Variants in ZNF438 observed in about 807,000 individuals in gnomAD.
The protein encoded by ZNF438 is zinc finger protein 438.
A neutral mutation model predicts 38.0 loss-of-function variants in ZNF438; 25 were observed. That is an observed-to-expected ratio of 0.66 (90% confidence interval 0.48 to 0.92). The LOEUF (loss-of-function observed/expected upper bound fraction) is 0.92, where lower values mean the gene tolerates loss of function less well. ZNF438 is among the 40% of genes least tolerant of loss of function. The pLI, the probability that ZNF438 is intolerant of heterozygous loss-of-function variation, is 0.00. For synonymous variants in ZNF438, 372 were observed against 364.1 expected (o/e 1.02, Z -0.25); for missense variants, 1,007 against 999.6 (o/e 1.01, Z -0.10).
intron 1 of ZNF438, among the ~76,000 whole-genome samples, chr10:30,997,430 T>C (rs1433848919): frequency 2.0e-5 from 3 of 152,010 alleles, no homozygotes; most frequent in Non-Finnish European, 4.4e-5. Context: ...AGACTGAAAA[T>C]GAACGCAAAA....
chr10:30,875,184 C>T, intron 4 of ZNF438: 1 of 922,134 alleles, frequency 1.1e-6, no homozygotes, highest in Non-Finnish European at 1.3e-6. Flanking sequence ...TGGAAGTATC[C>T]AAGCTTATGT....
intron 2 of ZNF438, among the ~76,000 whole-genome samples, chr10:30,935,196 G>T (rs978466340): frequency 2.6e-5 from 4 of 152,242 alleles, no homozygotes; most frequent in African/African-American, 9.6e-5. Flanking sequence ...GCTCAGTGGT[G>T]TTAAATAACT....
intron 2 of ZNF438, among the ~76,000 whole-genome samples, chr10:30,938,110 T>A (rs1348200784): frequency 1.3e-5 from 2 of 152,184 alleles, no homozygotes; most frequent in Non-Finnish European, 2.9e-5. Context: ...GGATGACTCT[T>A]ATCTACTGCC....
chr10:30,959,413 A>G (rs1031151732), intron 1 of ZNF438, among the ~76,000 whole-genome samples: 1 of 145,996 alleles, frequency 6.8e-6, no homozygotes, highest in African/African-American at 2.4e-5. Context: ...TTAGACTCAA[A>G]CTGCAACTCT....
chr10:30,949,363 T>A (rs914598408), intron 1 of ZNF438, among the ~76,000 whole-genome samples: 1 of 152,160 alleles, frequency 6.6e-6, no homozygotes, highest in Non-Finnish European at 1.5e-5. Flanking sequence ...AATAACCAGC[T>A]AACATCATCA....
chr10:30,992,240 G>A (rs1564810430), intron 1 of ZNF438, among the ~76,000 whole-genome samples: 1 of 152,112 alleles, frequency 6.6e-6, no homozygotes, highest in Non-Finnish European at 1.5e-5. Context: ...GTACCAAGAC[G>A]TAGGATTTTT....
intron 1 of ZNF438, among the ~76,000 whole-genome samples, chr10:30,968,493 G>A (rs939048721): frequency 1.4e-5 from 2 of 144,282 alleles, no homozygotes; most frequent in African/African-American, 5.2e-5. Context: ...GCCCAGGCTG[G>A]AGTGCAATGG....
At chr10:30,923,196 T>C (rs2044522434) in intron 2 of ZNF438, 1 of 152,190 alleles carries the variant, frequency 6.6e-6, no homozygotes, top group Admixed American at 6.5e-5. Flanking sequence ...AGTTAATAGG[T>C]GATGCAGTGT....
chr10:30,847,339 G>A (rs556663262), intron 5 of ZNF438, among the ~76,000 whole-genome samples: 3 of 152,134 alleles, frequency 2.0e-5, no homozygotes, highest in Non-Finnish European at 4.4e-5. Context: ...ACAATGGGAC[G>A]ACCAGTGGCA....
rs7475120 is a variant in ZNF438 at position 30,995,356 on chromosome 10, T to C, written c.-192+36477A>G. On this transcript the variant is annotated intron_variant, in intron 1 of 5. Transcript: ENST00000413025. ...GGCCAGAAAGCAATGGAATTAAATA[T>C]TCAAAGTACTAAAGTAAAATACTGT... Among the ~76,000 whole-genome samples the C allele has an allele frequency of 6.1e-3, 923 of 152,318 alleles. 9 individuals carry two copies. Among genetic ancestry groups the C allele is most frequent in the African/African-American group, 0.021 (866 of 41,568 alleles).
At chr10:30,900,836 GA>G (rs1477655322) in intron 3 of ZNF438, among the ~76,000 whole-genome samples, 1 of 152,168 alleles carries the variant, frequency 6.6e-6, no homozygotes, top group Non-Finnish European at 1.5e-5. Context: ...ACTGCAGTAA[GA>G]AAAATGGAAA....
chr10:30,991,111 T>C (rs1315888126), intron 1 of ZNF438, among the ~76,000 whole-genome samples: 1 of 152,224 alleles, frequency 6.6e-6, no homozygotes, highest in East Asian at 1.9e-4. Context: ...TTACCTCCCC[T>C]GCACCTCCAA....
intron 2 of ZNF438, among the ~76,000 whole-genome samples, chr10:30,934,220 T>C (rs1171635243): frequency 1.3e-5 from 2 of 151,058 alleles, no homozygotes; most frequent in Non-Finnish European, 2.9e-5. Context: ...ATGTACCGAG[T>C]TGGCAGATGC....
intron 2 of ZNF438, among the ~76,000 whole-genome samples, chr10:30,915,657 T>C (rs1184530818): frequency 6.6e-6 from 1 of 152,040 alleles, no homozygotes; most frequent in African/African-American, 2.4e-5. Flanking sequence ...TCTATAAATA[T>C]CTTGAAAATG....
intron 3 of ZNF438, among the ~76,000 whole-genome samples, chr10:30,893,554 C>G (rs536320191): frequency 2.4e-4 from 36 of 152,198 alleles, no homozygotes; most frequent in African/African-American, 7.9e-4. Context: ...GAAAAAGTAG[C>G]CTTTTAAAAT....
intron 4 of ZNF438, among the ~76,000 whole-genome samples, chr10:30,874,040 C>T (rs769532433): frequency 2.7e-5 from 4 of 148,940 alleles, no homozygotes; most frequent in Non-Finnish European, 5.9e-5. Context: ...TCTCATGTCA[C>T]ACAAATTATG....
chr10:30,970,685 G>A (rs1213237403), intron 1 of ZNF438, among the ~76,000 whole-genome samples: 4 of 151,992 alleles, frequency 2.6e-5, no homozygotes, highest in Non-Finnish European at 5.9e-5. Flanking sequence ...AAAATTCTTG[G>A]AGTTCCTATT....
exon 4 of ZNF438, chr10:30,877,009 G>C (rs1212710298): frequency 1.2e-6 from 2 of 1,605,384 alleles, no homozygotes; most frequent in Admixed American, 1.7e-5. Context: ...TTCATCTTTT[G>C]GTGGTACTGA....
At chr10:31,025,140 A>C (rs1379038040) in intron 1 of ZNF438, among the ~76,000 whole-genome samples, 1 of 152,144 alleles carries the variant, frequency 6.6e-6, no homozygotes, top group Admixed American at 6.6e-5. Flanking sequence ...ACTTAAAACT[A>C]CCACCTCCAT....
Sources: allele counts gnomAD v4.1 joint callset (sites outside exome capture counted in the v4.1 genomes callset), GRCh38; gene constraint gnomAD v4.1.1; transcripts MANE v1.5; gene names NCBI Gene and HGNC (gene_info 2026-07-23, HGNC 2026-07-21).